TFR2: variants seen among roughly 807,000 people sequenced by gnomAD.
TFR2 encodes the protein transferrin receptor 2, also known as transferrin receptor protein 2.
A neutral mutation model predicts 91.9 loss-of-function variants in TFR2; 64 were observed. The observed-to-expected ratio is 0.70, with a 90% CI of 0.57 to 0.86. TFR2 has a LOEUF of 0.86. Among genes scored for constraint, TFR2 ranks in the 40% least tolerant of loss-of-function variants. The pLI is 0.00. For synonymous variants in TFR2, 454 were observed against 459.6 expected, an observed-to-expected ratio of 0.99 and a Z score of 0.15; for missense variants, 950 against 1,080.5, an observed-to-expected ratio of 0.88 and a Z score of 1.69.
intron 3 of TFR2, among the ~76,000 whole-genome samples, chr7:100,636,661 G>C (rs150350603): frequency 1.3e-5 from 2 of 152,008 alleles, no homozygotes; most frequent in East Asian, 3.9e-4. Flanking sequence ...ACCCTGTCAG[G>C]TTCCAACTCC....
At position 100,641,189 on chromosome 7, in the gene TFR2, G is replaced by A. The variant is rs1270657412; in HGVS notation, c.73C>T (p.Arg25Cys). 1.6e-5 allele frequency: 24 copies of A among 1,522,854 alleles called. No homozygotes were observed. In the East Asian group the frequency reaches 2.4e-4, roughly 15 times the overall value. 94.3% of individuals were successfully genotyped at this position (1,522,854 alleles called of 1,614,324 possible). Residue 25 changes from arginine (R) to cysteine (C), a missense_variant, in exon 2 of 18, where the codon CGT (arginine) becomes TGT (cysteine). Physicochemically the swap from Arg to Cys is radical, Grantham distance 180. Transcript: ENST00000223051. ...SPRSSQTVYQRVEGPRKGHLE... is the reference protein window; with the variant it reads ...SPRSSQTVYQCVEGPRKGHLE... ...TGCCCTTTCCGGGGGCCTTCCACAC[G>A]CTGGTAGACGGTCTGAGAGGATCTT... is the stretch of plus-strand genomic sequence containing the variant.
chr7:100,639,323 C>T (rs1803643502), intron 3 of TFR2, among the ~76,000 whole-genome samples: 1 of 152,218 alleles, frequency 6.6e-6, no homozygotes, highest in South Asian at 2.1e-4. Flanking sequence ...GCCAAGATTG[C>T]ACCACTGCAC....
At position 100,627,730 on chromosome 7, in the gene TFR2, C is replaced by T; in HGVS notation, c.1682+14G>A. On this transcript the variant is annotated intron_variant, in intron 14 of 17. Transcript: ENST00000223051. Reference sequence around the variant, plus strand: ...CCACATCCCTCCCCAGCTCTCCCTACCCCCCCAACTTACACCTCAGCATCC... The same window carrying T: ...CCACATCCCTCCCCAGCTCTCCCTATCCCCCCAACTTACACCTCAGCATCC... The T allele has an allele frequency of 1.2e-6, 2 of 1,612,968 alleles. No individual in the cohort carries two copies. The highest frequency in any genetic ancestry group is 1.7e-6 in the Non-Finnish European group (2 of 1,179,504).
intron 16 of TFR2, 137 bp from the exon 17 acceptor site, chr7:100,627,040 A>G (rs1470433079): frequency 8.3e-5 from 115 of 1,383,598 alleles, no homozygotes; most frequent in Non-Finnish European, 1.1e-4. Flanking sequence ...AGACGAGGAC[A>G]GAGTGCTGGA....
chr7:100,633,477 G>A lies in TFR2; in HGVS notation c.553C>T (p.Arg185Cys). 1.2e-6 allele frequency: 2 copies of A among 1,612,432 alleles called. No homozygotes were observed. The highest frequency in any genetic ancestry group is 1.7e-6 in the Non-Finnish European group (2 of 1,179,886). ...GTCCACACGTGGTCCAGCTTCTGGC[G>A]GGAGAGCGCCGCGCGAATGTCCTGA... is the stretch of plus-strand genomic sequence containing the variant. ...LTQDIRAALS[R>C]QKLDHVWTDT... Residue 185 changes from arginine (R) to cysteine (C), a missense_variant, in exon 4 of 18, where the codon CGC becomes TGC. Coordinates refer to ENST00000223051, the MANE Select transcript of TFR2 (RefSeq NM_003227.4).
At chr7:100,635,992 T>C (rs1453942101) in intron 3 of TFR2, among the ~76,000 whole-genome samples, 1 of 152,158 alleles carries the variant, frequency 6.6e-6, no homozygotes, top group Non-Finnish European at 1.5e-5. Flanking sequence ...CTCCAGTGGA[T>C]TGTAAGCACC....
intron 17 of TFR2, among the ~76,000 whole-genome samples, chr7:100,623,649 G>C (rs191737359): frequency 6.6e-6 from 1 of 152,152 alleles, no homozygotes; most frequent in African/African-American, 2.4e-5. Context: ...CGGGTGTGGT[G>C]GTGTGCACCT....
chr7:100,632,759 T>A (rs1364912732), intron 6 of TFR2: 6 of 281,010 alleles, frequency 2.1e-5, no homozygotes, highest in Admixed American at 1.7e-4. Flanking sequence ...TTTTTTTTTT[T>A]AGTAGAGAGG....
chr7:100,623,723 G>C (rs1347567264), intron 17 of TFR2, among the ~76,000 whole-genome samples: 5 of 151,658 alleles, frequency 3.3e-5, no homozygotes, highest in Non-Finnish European at 7.4e-5. Flanking sequence ...TTCAATACCA[G>C]TCTGGGCAAC....
Position 100,626,866 on chromosome 7 carries a change from C to T in TFR2, c.2033G>A (p.Arg678Gln), listed in dbSNP as rs786204108. 3 of 1,547,720 alleles carry T rather than the reference C, an allele frequency of 1.9e-6. No homozygotes were observed. The highest frequency in any genetic ancestry group is 2.4e-5 in the East Asian group (1 of 40,910). ...GLTLQWVYSA[R>Q]GDYIRAAEKL... Reference sequence around the variant, plus strand: ...TTCCGCCGCCCGGATGTAGTCCCCCCGCGCCGAGTACACCCACTGCAGGGT... The same window carrying T: ...TTCCGCCGCCCGGATGTAGTCCCCCTGCGCCGAGTACACCCACTGCAGGGT... The change falls in exon 17 of 18, where the codon CGG (arginine) becomes CAG (glutamine). Residue 678 changes from arginine (R) to glutamine (Q), a missense_variant. Transcript: ENST00000223051.
In TFR2 at chr7:100,627,455, C is replaced by T; in HGVS notation, c.1804G>A (p.Asp602Asn). The change falls in exon 16 of 18, where the codon GAC becomes AAC. Residue 602 changes from aspartate (D) to asparagine (N), a missense_variant. Physicochemically the swap from Asp to Asn is conservative, Grantham distance 23. Coordinates refer to ENST00000223051, the MANE Select transcript of TFR2 (RefSeq NM_003227.4). ...QAYPFLHTKEDTYENLHKVLQ... is the reference protein window; with the variant it reads ...QAYPFLHTKENTYENLHKVLQ... ...ACCTTATGCAGGTTCTCATAAGTGT[C>T]CTCCTTTGTGTGCAGGAATGGGTAG... 1 of 1,602,484 alleles carries T rather than the reference C, an allele frequency of 6.2e-7. No individual in the cohort carries two copies. Among genetic ancestry groups the T allele is most frequent in the Non-Finnish European group, 8.5e-7 (1 of 1,174,772 alleles).
At chr7:100,638,205 A>G (rs183207747) in intron 3 of TFR2, among the ~76,000 whole-genome samples, 152 of 151,868 alleles carry the variant, frequency 1.0e-3, no homozygotes, top group African/African-American at 3.5e-3. Context: ...GGGTTTCACC[A>G]TGTTAGCCAG....
intron 3 of TFR2, among the ~76,000 whole-genome samples, chr7:100,635,654 G>A (rs560461071): frequency 6.6e-6 from 1 of 152,076 alleles, no homozygotes; most frequent in African/African-American, 2.4e-5. Flanking sequence ...GGGTGAAACA[G>A]TGTTTCACCA....
Position 100,620,864 on chromosome 7 carries a change from T to C in TFR2, c.2399A>G (p.Asn800Ser). 6.2e-7 allele frequency: 1 copy of C among 1,613,908 alleles called. No individual in the cohort carries two copies. The highest frequency in any genetic ancestry group is 1.1e-5 in the South Asian group (1 of 91,066). ...GTGAGGATCCCCAGGGCCTCAGAAG[T>C]TGTTATCAATGTTCCAGACATCCCC... ...LSGDVWNIDN[N>S]F is the part of the protein sequence containing the mutation. Residue 800 changes from asparagine (N) to serine (S), a missense_variant, in exon 18 of 18, where the codon AAC becomes AGC. Asn to Ser is a conservative substitution (Grantham distance 46). Coordinates refer to ENST00000223051, the MANE Select transcript of TFR2 (RefSeq NM_003227.4).
intron 17 of TFR2, among the ~76,000 whole-genome samples, chr7:100,622,462 A>C (rs149810158): frequency 1.3e-5 from 2 of 152,254 alleles, no homozygotes; most frequent in African/African-American, 4.8e-5. Flanking sequence ...GTCACCCTCA[A>C]AGGGGAGTGA....
rs568558409 is a variant in TFR2 at position 100,638,066 on chromosome 7, C to T, written c.473+2620G>A. ...TCGCCCAGGCTGGAGTGCAGTGGCGCGATCTCGGTTCACTGCAAGCTCCGC... is the reference window on the plus strand; with the variant it reads ...TCGCCCAGGCTGGAGTGCAGTGGCGTGATCTCGGTTCACTGCAAGCTCCGC... On this transcript the variant is annotated intron_variant, in intron 3 of 17. Coordinates refer to ENST00000223051, the MANE Select transcript of TFR2 (RefSeq NM_003227.4). Among the ~76,000 whole-genome samples the T allele has an allele frequency of 3.3e-5, 5 of 152,024 alleles. No individual in the cohort carries two copies. The East Asian group carries it at 5.9e-4, about 18-fold the overall frequency.
In TFR2 at chr7:100,639,600, G is replaced by C. The variant is rs139794068; in HGVS notation, c.473+1086C>G. Among the ~76,000 whole-genome samples the C allele has an allele frequency of 2.0e-5, 3 of 149,964 alleles. No individual in the cohort carries two copies. In the East Asian group the frequency reaches 5.8e-4, roughly 29 times the overall value. ...AAATGAAAAAAAAAAAAACGTAGAA[G>C]GTATAAGCATTGGAAAAGAGAATCT... On this transcript the variant is annotated intron_variant, in intron 3 of 17. Coordinates refer to ENST00000223051, the MANE Select transcript of TFR2 (RefSeq NM_003227.4).
At chr7:100,634,177 A>AAAAC (rs1803529086) in intron 3 of TFR2, among the ~76,000 whole-genome samples, 1 of 132,716 alleles carries the variant, frequency 7.5e-6, no homozygotes, top group Non-Finnish European at 1.6e-5. Flanking sequence ...TCCCGACGTC[A>AAAAC]ACACACACAC....
In TFR2 at chr7:100,630,879, C is replaced by T. The variant is rs2131316913; in HGVS notation, c.1270+10G>A. The T allele has an allele frequency of 1.9e-6, 3 of 1,612,410 alleles. No homozygotes were observed. Among genetic ancestry groups the T allele is most frequent in the South Asian group, 2.2e-5 (2 of 91,002 alleles). On this transcript the variant is annotated intron_variant, in intron 9 of 17. Coordinates refer to ENST00000223051, the MANE Select transcript of TFR2 (RefSeq NM_003227.4). ...CACCAGCTGTGAGTGATACTGGACA[C>T]ACAGCATACCTGGCTCTGAGCGGCC...
Sources: allele counts gnomAD v4.1 joint callset (sites outside exome capture counted in the v4.1 genomes callset), GRCh38; gene constraint gnomAD v4.1.1; transcripts MANE v1.5; gene names NCBI Gene and HGNC (gene_info 2026-07-23, HGNC 2026-07-21).